RILPL1: variants seen among roughly 807,000 people sequenced by gnomAD.
The protein encoded by RILPL1 is RILP-like protein 1.
A neutral mutation model predicts 50.3 loss-of-function variants in RILPL1; 33 were observed. The ratio of observed to expected loss-of-function variants is 0.66; its 90% CI spans 0.50 to 0.88. RILPL1 has a LOEUF of 0.88. Among genes scored for constraint, RILPL1 ranks in the 40% least tolerant of loss-of-function variants. The pLI, the probability that RILPL1 is intolerant of heterozygous loss-of-function variation, is 0.00. For synonymous variants in RILPL1, 205 were observed against 228.6 expected (o/e 0.90, Z 0.93); for missense variants, 418 against 542.5 (o/e 0.77, Z 2.28).
At position 123,503,186 on chromosome 12, in the gene RILPL1, C is replaced by CTTTTTTTTTTTTT. The variant is rs373514624; in HGVS notation, c.461-3663_461-3651dup. Among the ~76,000 whole-genome samples, 13 of 80,740 alleles carry CTTTTTTTTTTTTT rather than the reference C, an allele frequency of 1.6e-4. 2 individuals are homozygous for CTTTTTTTTTTTTT. Among genetic ancestry groups the CTTTTTTTTTTTTT allele is most frequent in the Non-Finnish European group, 2.3e-4 (10 of 43,340 alleles). The allele number at this position is 80,740 out of a possible 152,430, so 53.0% of individuals were successfully genotyped here. On this transcript the variant is annotated intron_variant, in intron 2 of 6. Coordinates refer to ENST00000376874, the MANE Select transcript of RILPL1 (RefSeq NM_178314.5). ...ACAGGCGTGAACCACCACGCCTGGC[C>CTTTTTTTTTTTTT]TTTTTTTTTTTTTTTTTTTTTTTTT... is the stretch of plus-strand genomic sequence containing the variant.
intron 2 of RILPL1, among the ~76,000 whole-genome samples, chr12:123,520,819 G>A (rs1884975231): frequency 6.6e-6 from 1 of 152,212 alleles, no homozygotes; most frequent in African/African-American, 2.4e-5. Flanking sequence ...GCAAAGGAAT[G>A]CATGGCAGGC....
intron 6 of RILPL1, chr12:123,475,715 C>A: frequency 6.3e-7 from 1 of 1,593,694 alleles, no homozygotes; most frequent in Non-Finnish European, 8.5e-7. Context: ...TATTATCAGT[C>A]CCGCTGCTAC....
intron 1 of RILPL1, among the ~76,000 whole-genome samples, chr12:123,525,204 A>G (rs567368562): frequency 6.6e-6 from 1 of 151,980 alleles, no homozygotes; most frequent in African/African-American, 2.4e-5. Context: ...TCTAAAAACC[A>G]CTGAAGTGTA....
chr12:123,484,408 T>A, intron 5 of RILPL1, 136 bp from the exon 6 acceptor site: 1 of 702,550 alleles, frequency 1.4e-6, no homozygotes, highest in Non-Finnish European at 2.6e-6. Flanking sequence ...TCCAGTTTAT[T>A]CTGAAGAGTC....
At chr12:123,524,341 T>C (rs1306292212) in intron 1 of RILPL1, among the ~76,000 whole-genome samples, 2 of 152,204 alleles carry the variant, frequency 1.3e-5, no homozygotes, top group Non-Finnish European at 2.9e-5. Flanking sequence ...CTGGTGGGAA[T>C]GGAAAATGCT....
At chr12:123,475,660 TA>T (rs1240097619) in intron 6 of RILPL1, 2 of 1,579,488 alleles carry the variant, frequency 1.3e-6, no homozygotes, top group Admixed American at 3.4e-5. Flanking sequence ...ACACAGTGCC[TA>T]CAAGGGAAAC....
Position 123,499,474 on chromosome 12 carries a change from C to A in RILPL1, c.523G>T (p.Asp175Tyr), listed in dbSNP as rs778908254. 1.2e-6 allele frequency: 2 copies of A among 1,613,940 alleles called. No individual in the cohort carries two copies. Among genetic ancestry groups the A allele is most frequent in the East Asian group, 2.2e-5 (1 of 44,882 alleles). The change falls in exon 3 of 7, where the codon GAC becomes TAC. Residue 175 changes from aspartate (D) to tyrosine (Y), a missense_variant. Physicochemically the swap from Asp to Tyr is radical, Grantham distance 160. Coordinates refer to ENST00000376874, the MANE Select transcript of RILPL1 (RefSeq NM_178314.5). ...KLKEVVDKQR[D>Y]EIRAKDRELG... is the part of the protein sequence containing the mutation. ...TCCCTGTCCTTGGCGCGGATCTCGT[C>A]GCGTTGTTTGTCCACCACCTCCTTC...
At position 123,491,650 on chromosome 12, in the gene RILPL1, C is replaced by CT; in HGVS notation, c.802-5846_802-5845insA. Among the ~76,000 whole-genome samples, 1 of 152,202 alleles carries CT rather than the reference C, an allele frequency of 6.6e-6. No individual in the cohort carries two copies. On this transcript the variant is annotated intron_variant, in intron 4 of 6. Coordinates refer to ENST00000376874, the MANE Select transcript of RILPL1 (RefSeq NM_178314.5). This position sits in a 1 kb window ranked among gnomAD's most constrained non-coding sequence, Gnocchi z 4.0. ...TTCTGCCCGCCTTTCAGCCAGCATA[C>CT]GCCTGTCTGCTTTCCCTATGCAGGC...
chr12:123,485,288 A>G lies in RILPL1; in HGVS notation c.974+345T>C, dbSNP rs1372014073. 8.7e-6 allele frequency: 4 copies of G among 458,924 alleles called. No homozygotes were observed. Among genetic ancestry groups the G allele is most frequent in the Non-Finnish European group, 1.7e-5 (4 of 229,442 alleles). The allele number at this position is 458,924 out of a possible 1,614,324, so 28.4% of individuals were successfully genotyped here. On this transcript the variant is annotated intron_variant, in intron 5 of 6. Coordinates refer to ENST00000376874, the MANE Select transcript of RILPL1 (RefSeq NM_178314.5). This position sits in a 1 kb window ranked among gnomAD's most constrained non-coding sequence, Gnocchi z 4.0. ...GGAGGTGAAAAGGGCCACATAGACC[A>G]TTAACACCGGGGCCGGGTTTCATTC...
In RILPL1 at chr12:123,475,689, GCAGTGTGGGGTC is replaced by G. The variant is rs751952314; in HGVS notation, c.1068-3019_1068-3008del. On this transcript the variant is annotated intron_variant, in intron 6 of 6. Coordinates refer to ENST00000376874, the MANE Select transcript of RILPL1 (RefSeq NM_178314.5). The stretch of plus-strand genomic sequence containing the variant: ...AGGGAAACAAGTCGTCGGACAGGCT[GCAGTGTGGGGTC>G]ATCTATTATCAGTCCCGCTGCTACC... 26 of 1,593,056 alleles carry G rather than the reference GCAGTGTGGGGTC, an allele frequency of 1.6e-5. No individual in the cohort carries two copies. The Admixed American group carries it at 2.0e-4, about 12-fold the overall frequency.
At position 123,485,152 on chromosome 12, in the gene RILPL1, G is replaced by A. The variant is rs1882243956; in HGVS notation, c.974+481C>T. 6.6e-6 allele frequency: 3 copies of A among 456,184 alleles called. No homozygotes were observed. Among genetic ancestry groups the A allele is most frequent in the African/African-American group, 4.0e-5 (2 of 50,036 alleles). 28.3% of individuals were successfully genotyped at this position (456,184 alleles called of 1,614,324 possible). A position where few individuals can be genotyped will look rare whatever the true frequency, so the allele number is the denominator to read the frequency against. The stretch of plus-strand genomic sequence containing the variant: ...CTGTGTGCCAAGCTCCATTCTAAGT[G>A]CTGGGAACTTAGCCATGGACAAGAT... On this transcript the variant is annotated intron_variant, in intron 5 of 6. Coordinates refer to ENST00000376874, the MANE Select transcript of RILPL1 (RefSeq NM_178314.5). The surrounding 1 kb of genome is among the most constrained non-coding windows in gnomAD (Gnocchi z 4.0).
chr12:123,528,497 G>A (rs890690843), intron 1 of RILPL1, among the ~76,000 whole-genome samples: 5 of 149,706 alleles, frequency 3.3e-5, no homozygotes, highest in Admixed American at 2.0e-4. Flanking sequence ...GTGCGATCTC[G>A]GCTCACTGCA....
intron 2 of RILPL1, among the ~76,000 whole-genome samples, chr12:123,520,689 T>A (rs1235280345): frequency 2.0e-5 from 3 of 152,170 alleles, no homozygotes; most frequent in Non-Finnish European, 4.4e-5. Flanking sequence ...AATGTCCAAG[T>A]CACCGCGGCA....
intron 2 of RILPL1, among the ~76,000 whole-genome samples, chr12:123,518,558 C>T (rs1317993803): frequency 2.7e-5 from 4 of 148,624 alleles, no homozygotes; most frequent in African/African-American, 4.9e-5. Context: ...GTAAAATGTA[C>T]GTTAGATTTT....
At chr12:123,482,892 C>T (rs753837850) in intron 6 of RILPL1, among the ~76,000 whole-genome samples, 4 of 152,118 alleles carry the variant, frequency 2.6e-5, no homozygotes, top group Non-Finnish European at 5.9e-5. Flanking sequence ...TGTGAGCTAC[C>T]GCACCCAGCC....
intron 2 of RILPL1, among the ~76,000 whole-genome samples, chr12:123,507,064 CT>C (rs1883794564): frequency 6.6e-6 from 1 of 152,324 alleles, no homozygotes; most frequent in African/African-American, 2.4e-5. Flanking sequence ...CCACCAAGTG[CT>C]GGTGAGAAAG....
At position 123,491,258 on chromosome 12, in the gene RILPL1, G is replaced by T. The variant is rs1882673436; in HGVS notation, c.802-5453C>A. Among the ~76,000 whole-genome samples the T allele has an allele frequency of 6.6e-6, 1 of 152,204 alleles. No individual in the cohort carries two copies. Among genetic ancestry groups the T allele is most frequent in the African/African-American group, 2.4e-5 (1 of 41,442 alleles). ...CTAGGCTTACTCCATGCGGGACCGG[G>T]AGGTGGCTCGGGTTAGCTGAGATAA... On this transcript the variant is annotated intron_variant, in intron 4 of 6. Coordinates refer to ENST00000376874, the MANE Select transcript of RILPL1 (RefSeq NM_178314.5). This position sits in a 1 kb window ranked among gnomAD's most constrained non-coding sequence, Gnocchi z 4.0.
chr12:123,529,811 C>G (rs984299409), intron 1 of RILPL1, among the ~76,000 whole-genome samples: 6 of 147,654 alleles, frequency 4.1e-5, no homozygotes, highest in African/African-American at 1.5e-4. Flanking sequence ...GTGTTCAGGG[C>G]TGCAGGGAGC....
intron 4 of RILPL1, among the ~76,000 whole-genome samples, chr12:123,493,771 T>C (rs1172795166): frequency 6.7e-6 from 1 of 148,954 alleles, no homozygotes; most frequent in Non-Finnish European, 1.5e-5. Flanking sequence ...AGATCTGTCC[T>C]GAGGCCCTGC....
Sources: gnomAD v4.1 joint callset for allele counts (sites outside exome capture counted in the v4.1 genomes callset) on GRCh38, gnomAD v4.1.1 for gene constraint, Gnocchi (gnomAD v3.1) non-coding constraint, MANE v1.5 for transcripts, NCBI Gene and HGNC (gene_info 2026-07-23, HGNC 2026-07-21) for gene names.